PLAG1: variants seen among roughly 807,000 people sequenced by gnomAD.
The protein encoded by PLAG1 is zinc finger protein PLAG1.
Under a neutral mutation model 35.5 loss-of-function variants are expected in PLAG1, and 7 were observed. The ratio of observed to expected loss-of-function variants is 0.20; its 90% confidence interval spans 0.11 to 0.37. The LOEUF (loss-of-function observed/expected upper bound fraction) is 0.37. PLAG1 is among the 10% of genes least tolerant of loss of function. The pLI, the probability that PLAG1 is intolerant of heterozygous loss-of-function variation, is 1.00. For missense variants in PLAG1, 454 were observed against 602.8 expected, an observed-to-expected ratio of 0.75 and a Z score of 2.58; for synonymous variants, 229 against 225.4, an observed-to-expected ratio of 1.02 and a Z score of -0.14.
chr8:56,194,773 C>A (rs1413656314), intron 1 of PLAG1, among the ~76,000 whole-genome samples: 1 of 151,904 alleles, frequency 6.6e-6, no homozygotes, highest in Non-Finnish European at 1.5e-5. Flanking sequence ...GACGTGAAGG[C>A]CTGTAGGAGA....
Position 56,168,075 on chromosome 8 carries a change from T to C in PLAG1, c.195A>G (p.Ile65Met), listed in dbSNP as rs768699823. 6.2e-7 allele frequency: 1 copy of C among 1,611,628 alleles called. No individual in the cohort carries two copies. The highest frequency in any genetic ancestry group is 1.1e-5 in the South Asian group (1 of 91,010). ...CAAAGGCCTTGGTGCAGTCTTGTTG[T>C]ATGCACTTGTAGGGCCTCTCTCCTG... ...SHTGERPYKCIQQDCTKAFVS... is the reference protein window; with the variant it reads ...SHTGERPYKCMQQDCTKAFVS... The change falls in exon 4 of 5, where the codon ATA (isoleucine) becomes ATG (methionine). Residue 65 changes from isoleucine to methionine, a missense_variant. Physicochemically the swap from Ile to Met is conservative, Grantham distance 10. Transcript: ENST00000316981.
intron 1 of PLAG1, among the ~76,000 whole-genome samples, chr8:56,184,880 G>C (rs141656094): frequency 1.3e-5 from 2 of 152,264 alleles, no homozygotes; most frequent in Non-Finnish European, 2.9e-5. Flanking sequence ...CTGAGAGTCG[G>C]AGGTTGCAGT....
In PLAG1 at chr8:56,166,958, T is replaced by C. The variant is rs1408434909; in HGVS notation, c.788A>G (p.Lys263Arg). ...PFTCNVSVPIKDELLPVMSLP... is the reference protein window; with the variant it reads ...PFTCNVSVPIRDELLPVMSLP... ...GGACATCACCGGAAGGAGCTCGTCT[T>C]TTATAGGCACAGACACATTGCAGGT... The change falls in exon 5 of 5, where the codon AAA (lysine) becomes AGA (arginine). Residue 263 changes from lysine to arginine, a missense_variant. Lys to Arg is a conservative substitution (Grantham distance 26). This residue lies in a region of PLAG1 where 271 missense variants were observed against 315.6 expected (regional missense o/e 0.86). Transcript: ENST00000316981. 3 of 1,614,076 alleles carry C rather than the reference T, an allele frequency of 1.9e-6. No homozygotes were observed. The highest frequency in any genetic ancestry group is 3.3e-5 in the Admixed American group (2 of 60,020).
intron 1 of PLAG1, among the ~76,000 whole-genome samples, chr8:56,180,643 A>G (rs915876470): frequency 1.6e-4 from 24 of 152,178 alleles, no homozygotes; most frequent in Admixed American, 1.6e-3. Context: ...TAATTTTTGT[A>G]TAAGGTGTAA....
chr8:56,205,669 T>C (rs1191206482), intron 1 of PLAG1, among the ~76,000 whole-genome samples: 1 of 152,080 alleles, frequency 6.6e-6, no homozygotes, highest in Middle Eastern at 3.4e-3. Flanking sequence ...TCCATACTTA[T>C]TGTTACATAC....
At chr8:56,196,834 C>T (rs1305082779) in intron 1 of PLAG1, among the ~76,000 whole-genome samples, 1 of 151,930 alleles carries the variant, frequency 6.6e-6, no homozygotes, top group African/African-American at 2.4e-5. Flanking sequence ...TCTCCCCTCA[C>T]CCCATCCAGA....
rs945658610 is a variant in PLAG1 at position 56,166,636 on chromosome 8, T to G, written c.1110A>C (p.Ser370=). Residue 370 remains serine (S), a synonymous_variant, in exon 5 of 5, where the codon TCA becomes TCC. Coordinates refer to ENST00000316981, the MANE Select transcript of PLAG1 (RefSeq NM_002655.3). The part of the protein sequence containing the change: ...LMELQGGVPS[S]SQDSQASSSS... ...ATGACGATGCTTGAGAATCTTGGGA[T>G]GAAGAGGGCACGCCACCTTGTAACT... 6.2e-7 allele frequency: 1 copy of G among 1,614,078 alleles called. No individual in the cohort carries two copies. Among genetic ancestry groups the G allele is most frequent in the Admixed American group, 1.7e-5 (1 of 60,004 alleles).
chr8:56,184,121 A>G (rs1811949432), intron 1 of PLAG1, among the ~76,000 whole-genome samples: 1 of 152,246 alleles, frequency 6.6e-6, no homozygotes, highest in African/African-American at 2.4e-5. Flanking sequence ...CCCAGAATAT[A>G]TAAAGAACTT....
At chr8:56,186,667 C>T (rs1812026085) in intron 1 of PLAG1, among the ~76,000 whole-genome samples, 1 of 149,538 alleles carries the variant, frequency 6.7e-6, no homozygotes, top group African/African-American at 2.5e-5. Flanking sequence ...GCCACCATGT[C>T]CAGCTGGTTA....
chr8:56,191,943 G>A (rs373199703), intron 1 of PLAG1, among the ~76,000 whole-genome samples: 1 of 152,260 alleles, frequency 6.6e-6, no homozygotes, highest in African/African-American at 2.4e-5. Context: ...AATCTTTTAG[G>A]CAAAACGATA....
In PLAG1 at chr8:56,161,773, T is replaced by G. The variant is rs998427765; in HGVS notation, c.*4470A>C. On this transcript the variant is annotated 3_prime_UTR_variant, in exon 5 of 5. Coordinates refer to ENST00000316981, the MANE Select transcript of PLAG1 (RefSeq NM_002655.3). ...TGAGACAGAGAAGTTTGTAGCACCA[T>G]GAAGAGTTGTAGCCCAAGTTACATT... 1.3e-5 allele frequency: 3 copies of G among 229,800 alleles called. No individual in the cohort carries two copies. The highest frequency in any genetic ancestry group is 5.7e-5 in the Admixed American group (1 of 17,662). 14.2% of individuals were successfully genotyped at this position (229,800 alleles called of 1,614,324 possible).
chr8:56,176,454 A>C (rs931760227), intron 2 of PLAG1, among the ~76,000 whole-genome samples: 1 of 152,184 alleles, frequency 6.6e-6, no homozygotes. Flanking sequence ...TTTTATCAAA[A>C]TAAAAAGACT....
intron 1 of PLAG1, among the ~76,000 whole-genome samples, chr8:56,210,180 C>G (rs897701978): frequency 6.6e-6 from 1 of 152,152 alleles, no homozygotes; most frequent in East Asian, 1.9e-4. Context: ...ACTCCTTGGT[C>G]CCTGCAAAGT....
intron 1 of PLAG1, among the ~76,000 whole-genome samples, chr8:56,201,259 T>A (rs1253856423): frequency 6.6e-6 from 1 of 152,238 alleles, no homozygotes; most frequent in Non-Finnish European, 1.5e-5. Context: ...ATTGTCATCA[T>A]GTAGAATTAC....
chr8:56,187,369 G>A (rs1252378098), intron 1 of PLAG1, among the ~76,000 whole-genome samples: 1 of 152,228 alleles, frequency 6.6e-6, no homozygotes, highest in Non-Finnish European at 1.5e-5. Flanking sequence ...CTAAAGCAGT[G>A]CAGGGGAATA....
At chr8:56,198,500 C>T (rs992168611) in intron 1 of PLAG1, among the ~76,000 whole-genome samples, 10 of 152,232 alleles carry the variant, frequency 6.6e-5, no homozygotes, top group Middle Eastern at 3.2e-3. Flanking sequence ...GGACAACCCC[C>T]GCTCTGCTCC....
chr8:56,196,693 G>A (rs1812377940), intron 1 of PLAG1, among the ~76,000 whole-genome samples: 1 of 152,120 alleles, frequency 6.6e-6, no homozygotes, highest in South Asian at 2.1e-4. Context: ...CGTGTCTCCT[G>A]TCACTGCCCT....
intron 2 of PLAG1, among the ~76,000 whole-genome samples, chr8:56,174,582 G>A (rs1811633277): frequency 6.6e-6 from 1 of 152,148 alleles, no homozygotes; most frequent in African/African-American, 2.4e-5. Context: ...ATAAAAGGCA[G>A]TTAAAGTAAC....
At chr8:56,197,543 T>C (rs1436568751) in intron 1 of PLAG1, among the ~76,000 whole-genome samples, 1 of 152,204 alleles carries the variant, frequency 6.6e-6, no homozygotes, top group Admixed American at 6.5e-5. Flanking sequence ...TTCTCTCTTC[T>C]TTCTCTGTGT....
Sources: allele counts gnomAD v4.1 joint callset (sites outside exome capture counted in the v4.1 genomes callset), GRCh38; gene constraint gnomAD v4.1.1; regional missense constraint gnomAD v4.1.1; transcripts MANE v1.5; gene names NCBI Gene and HGNC (gene_info 2026-07-23, HGNC 2026-07-21).